MNAT1: variants seen among roughly 807,000 people sequenced by gnomAD.
The protein encoded by MNAT1 is CDK-activating kinase assembly factor MAT1.
Under a neutral mutation model 42.0 loss-of-function variants are expected in MNAT1, and 43 were observed. That is an observed-to-expected ratio of 1.02 (90% CI 0.80 to 1.32). The LOEUF (loss-of-function observed/expected upper bound fraction) is 1.32. Among genes scored for constraint, MNAT1 ranks in the 40% most tolerant of loss-of-function variants. The pLI is 0.00. For synonymous variants in MNAT1, 118 were observed against 120.0 expected, an observed-to-expected ratio of 0.98 and a Z score of 0.11; for missense variants, 306 against 350.4, an observed-to-expected ratio of 0.87 and a Z score of 1.01.
intron 7 of MNAT1, among the ~76,000 whole-genome samples, chr14:60,897,470 A>G (rs187304760): frequency 5.8e-4 from 88 of 152,206 alleles, no homozygotes; most frequent in East Asian, 5.6e-3. Flanking sequence ...GGGAATATCT[A>G]TTACTTTCAT....
At chr14:60,858,986 T>G (rs185663430) in intron 6 of MNAT1, among the ~76,000 whole-genome samples, 14 of 152,322 alleles carry the variant, frequency 9.2e-5, no homozygotes, top group Admixed American at 5.2e-4. Flanking sequence ...CTGCAATATC[T>G]CCGAAGTATG....
intron 7 of MNAT1, among the ~76,000 whole-genome samples, chr14:60,901,501 A>G (rs954118714): frequency 6.6e-6 from 1 of 152,204 alleles, no homozygotes; most frequent in African/African-American, 2.4e-5. Context: ...GCTGCCATAG[A>G]TAGTGATTCC....
intron 1 of MNAT1, among the ~76,000 whole-genome samples, chr14:60,746,988 C>CTT (rs1198228295): frequency 5.4e-5 from 5 of 92,016 alleles, no homozygotes; most frequent in Non-Finnish European, 1.1e-4. Flanking sequence ...AAAATTATGT[C>CTT]TTTTTTTTTT....
At chr14:60,856,535 C>T (rs951103956) in intron 6 of MNAT1, among the ~76,000 whole-genome samples, 1 of 152,186 alleles carries the variant, frequency 6.6e-6, no homozygotes, top group Non-Finnish European at 1.5e-5. Context: ...AAACATCCTT[C>T]TACTGAAAGA....
chr14:60,887,867 C>T (rs1201737816), intron 7 of MNAT1, among the ~76,000 whole-genome samples: 5 of 151,580 alleles, frequency 3.3e-5, no homozygotes, highest in South Asian at 2.1e-4. Flanking sequence ...ATAAATTCCT[C>T]GACACACACA....
intron 6 of MNAT1, among the ~76,000 whole-genome samples, chr14:60,843,889 TCTC>T (rs142150446): frequency 0.013 from 1,980 of 152,292 alleles, 44 homozygotes; most frequent in African/African-American, 0.045. Context: ...CAACGATAAT[TCTC>T]CTGTTTAGAA....
intron 1 of MNAT1, among the ~76,000 whole-genome samples, chr14:60,788,607 C>T (rs1218956936): frequency 3.3e-5 from 5 of 152,170 alleles, no homozygotes; most frequent in Admixed American, 1.3e-4. Context: ...TCAGTGTAGC[C>T]ACCTTCATCA....
At chr14:60,799,275 T>A in intron 3 of MNAT1, 1 of 985,402 alleles carries the variant, frequency 1.0e-6, no homozygotes, top group Non-Finnish European at 1.2e-6. Flanking sequence ...TGAGTGACTA[T>A]GGATTTTAGC....
chr14:60,755,389 G>A (rs777039501), intron 1 of MNAT1, among the ~76,000 whole-genome samples: 7 of 152,066 alleles, frequency 4.6e-5, no homozygotes, highest in Admixed American at 6.6e-5. Context: ...TGATCCACCC[G>A]CCCTGGCCTC....
intron 1 of MNAT1, among the ~76,000 whole-genome samples, chr14:60,772,375 A>G (rs977614331): frequency 2.6e-5 from 4 of 152,206 alleles, no homozygotes; most frequent in African/African-American, 9.7e-5. Context: ...ACCTGAGGTC[A>G]GGAGTTTGAG....
chr14:60,898,603 T>C (rs2035011854), intron 7 of MNAT1, among the ~76,000 whole-genome samples: 1 of 152,146 alleles, frequency 6.6e-6, no homozygotes, highest in South Asian at 2.1e-4. Flanking sequence ...TACTTTTTAA[T>C]GAGATTACCT....
At chr14:60,939,654 A>C (rs921665349) in intron 7 of MNAT1, among the ~76,000 whole-genome samples, 1 of 152,158 alleles carries the variant, frequency 6.6e-6, no homozygotes, top group Non-Finnish European at 1.5e-5. Flanking sequence ...ACTTCCAACT[A>C]TGTGGTCAAT....
chr14:60,871,884 A>G (rs2034332564), intron 6 of MNAT1, among the ~76,000 whole-genome samples: 1 of 152,096 alleles, frequency 6.6e-6, no homozygotes, highest in Non-Finnish European at 1.5e-5. Context: ...CGGCCTCCCA[A>G]AGTGCTGGGA....
intron 7 of MNAT1, among the ~76,000 whole-genome samples, chr14:60,890,237 G>A (rs1292274867): frequency 2.0e-5 from 3 of 152,208 alleles, no homozygotes; most frequent in African/African-American, 7.2e-5. Flanking sequence ...TTAAGAAAAT[G>A]TGGCACATAT....
chr14:60,893,848 G>T (rs929930126), intron 7 of MNAT1, among the ~76,000 whole-genome samples: 2 of 152,116 alleles, frequency 1.3e-5, no homozygotes, highest in Admixed American at 1.3e-4. Flanking sequence ...CTTAGAATAA[G>T]TCTTATGGTG....
At chr14:60,818,482 A>G (rs1012300825) in intron 5 of MNAT1, among the ~76,000 whole-genome samples, 3 of 152,042 alleles carry the variant, frequency 2.0e-5, no homozygotes, top group Non-Finnish European at 4.4e-5. Context: ...GCTAGTTGAA[A>G]TAGGAACTTT....
intron 1 of MNAT1, among the ~76,000 whole-genome samples, chr14:60,776,236 T>G (rs1363872265): frequency 6.6e-6 from 1 of 152,068 alleles, no homozygotes; most frequent in African/African-American, 2.4e-5. Flanking sequence ...GGATGGGAGC[T>G]CCTTGTGAGG....
chr14:60,861,715 G>T (rs4151275), intron 6 of MNAT1, among the ~76,000 whole-genome samples: 1 of 152,186 alleles, frequency 6.6e-6, no homozygotes, highest in African/African-American at 2.4e-5. Flanking sequence ...TGATAAGCTA[G>T]TTTGAACCTG....
At chr14:60,879,596 C>A (rs779243816) in intron 6 of MNAT1, 118 bp from the exon 7 acceptor site, 1 of 978,364 alleles carries the variant, frequency 1.0e-6, no homozygotes, top group Non-Finnish European at 1.5e-6. Flanking sequence ...TGGAACAGCA[C>A]AACTAATGGC....
Sources: gnomAD v4.1 joint callset for allele counts (sites outside exome capture counted in the v4.1 genomes callset) on GRCh38, gnomAD v4.1.1 for gene constraint, MANE v1.5 for transcripts, NCBI Gene and HGNC (gene_info 2026-07-23, HGNC 2026-07-21) for gene names.